Variants in FAM222B observed in about 807,000 individuals in gnomAD.
The protein encoded by FAM222B is family with sequence similarity 222 member B, also known as protein FAM222B.
FAM222B carries 12 observed loss-of-function variants against 38.0 expected under a neutral mutation model. The ratio of observed to expected loss-of-function variants is 0.32; its 90% CI spans 0.20 to 0.51. The LOEUF (loss-of-function observed/expected upper bound fraction) is 0.51, where lower values mean the gene tolerates loss of function less well. Among genes scored for constraint, FAM222B ranks in the 20% least tolerant of loss-of-function variants. The probability of loss-of-function intolerance (pLI) is 0.97; values close to 1 mark genes in which losing one functional copy is unlikely to be tolerated. For synonymous variants in FAM222B, 329 were observed against 317.2 expected (o/e 1.04, Z -0.40); for missense variants, 716 against 754.2 (o/e 0.95, Z 0.59).
intron 1 of FAM222B, among the ~76,000 whole-genome samples, chr17:28,786,273 T>G (rs1003390245): frequency 5.3e-5 from 8 of 152,188 alleles, no homozygotes; most frequent in Non-Finnish European, 7.3e-5. Context: ...AATCAATTCA[T>G]AGTGAAAATC....
intron 1 of FAM222B, chr17:28,849,326 C>T (rs1598070296): frequency 6.6e-6 from 1 of 152,032 alleles, no homozygotes; most frequent in Non-Finnish European, 1.5e-5. Flanking sequence ...CGATTTTCTA[C>T]TCTTCGGACC....
chr17:28,815,800 T>TA (rs937083605), intron 1 of FAM222B, among the ~76,000 whole-genome samples: 2 of 150,322 alleles, frequency 1.3e-5, no homozygotes, highest in African/African-American at 2.5e-5. Context: ...CTGTCTCTAC[T>TA]AAAAAAAAGT....
chr17:28,822,802 C>CAAAAAAAAAAAAAAAAA (rs71135859), intron 1 of FAM222B, among the ~76,000 whole-genome samples: 1 of 9,882 alleles, frequency 1.0e-4, no homozygotes, highest in Non-Finnish European at 1.8e-4. Flanking sequence ...GACTCCATCT[C>CAAAAAAAAAAAAAAAAA]AAAAAAAAAA....
intron 1 of FAM222B, among the ~76,000 whole-genome samples, chr17:28,811,090 T>C (rs2037739172): frequency 6.6e-6 from 1 of 152,208 alleles, no homozygotes; most frequent in Admixed American, 6.5e-5. Flanking sequence ...CTTTTGGTAC[T>C]GTAGCTCTTT....
At chr17:28,806,225 TTG>T (rs2037492054) in intron 1 of FAM222B, among the ~76,000 whole-genome samples, 1 of 152,212 alleles carries the variant, frequency 6.6e-6, no homozygotes, top group African/African-American at 2.4e-5. Flanking sequence ...GCTTGCCCTT[TTG>T]TGTGTATAAT....
intron 1 of FAM222B, among the ~76,000 whole-genome samples, chr17:28,772,622 C>G (rs917600106): frequency 6.6e-6 from 1 of 150,774 alleles, no homozygotes; most frequent in Non-Finnish European, 1.5e-5. Context: ...TAGGGCCACA[C>G]GCGGTGGCTC....
chr17:28,831,027 G>A (rs1021842918), intron 1 of FAM222B, among the ~76,000 whole-genome samples: 5 of 134,000 alleles, frequency 3.7e-5, no homozygotes, highest in South Asian at 2.2e-4. Flanking sequence ...ACGGAGTCTC[G>A]CTCTGTCACC....
intron 1 of FAM222B, among the ~76,000 whole-genome samples, chr17:28,790,884 C>CTTTTTTTTTTTTTTTTTTT (rs60664262): frequency 4.6e-5 from 4 of 86,078 alleles, no homozygotes; most frequent in Non-Finnish European, 8.6e-5. Flanking sequence ...AATTGTTTCA[C>CTTTTTTTTTTTTTTTTTTT]TTTTTTTTTT....
chr17:28,818,354 C>T (rs1028879647), intron 1 of FAM222B, among the ~76,000 whole-genome samples: 2 of 151,934 alleles, frequency 1.3e-5, no homozygotes, highest in Non-Finnish European at 2.9e-5. Flanking sequence ...CGGTGAAACC[C>T]TGTCTCTGCT....
upstream of FAM222B, among the ~76,000 whole-genome samples, chr17:28,843,153 T>TC (rs1206907638): frequency 2.7e-4 from 41 of 151,484 alleles, no homozygotes; most frequent in African/African-American, 8.7e-4. Flanking sequence ...TTTTTTTTTT[T>TC]CTGAGTCGAA....
chr17:28,837,510 T>A (rs757644872), intron 1 of FAM222B, among the ~76,000 whole-genome samples: 6 of 151,950 alleles, frequency 3.9e-5, no homozygotes, highest in Non-Finnish European at 7.4e-5. Context: ...ATTAAATGCA[T>A]CTGTAATAAA....
chr17:28,759,325 G>C lies in FAM222B; in HGVS notation c.634C>G (p.Gln212Glu). The C allele has an allele frequency of 6.2e-7, 1 of 1,611,192 alleles. No homozygotes were observed. Among genetic ancestry groups the C allele is most frequent in the Non-Finnish European group, 8.5e-7 (1 of 1,178,908 alleles). The change falls in exon 3 of 3, where the codon CAG becomes GAG. Residue 212 changes from glutamine (Q) to glutamate (E), a missense_variant. Physicochemically the swap from Gln to Glu is conservative, Grantham distance 29 (BLOSUM62 2). Coordinates refer to ENST00000581407, the MANE Select transcript of FAM222B (RefSeq NM_001077498.3). This position sits in a 1 kb window ranked among gnomAD's most constrained non-coding sequence, Gnocchi z 4.8. The stretch of plus-strand genomic sequence containing the variant: ...TGGAGACCCTGGTGAGCCAGGGCCT[G>C]AGGGTGGACCAAGCCCTGGGTTTGG... ...MAQTQGLVHP[Q>E]ALAHQGLQHP...
upstream of FAM222B, chr17:28,842,849 C>G (rs1187695231): frequency 1.3e-5 from 2 of 152,436 alleles, no homozygotes; most frequent in Non-Finnish European, 2.9e-5. Context: ...TCGGGCCGCA[C>G]GCGCCTGCGC....
chr17:28,803,767 CAGG>C (rs1268233657), intron 1 of FAM222B, among the ~76,000 whole-genome samples: 2 of 151,968 alleles, frequency 1.3e-5, no homozygotes, highest in African/African-American at 4.8e-5. Context: ...ATCAAGAGGT[CAGG>C]AGTTCAAGAC....
chr17:28,815,021 CCCT>C (rs1391022836), intron 1 of FAM222B, among the ~76,000 whole-genome samples: 1 of 151,744 alleles, frequency 6.6e-6, no homozygotes, highest in Admixed American at 6.6e-5. Context: ...TGATCCACCC[CCCT>C]CGCCTCCCAA....
chr17:28,812,217 C>G (rs1043656909), intron 1 of FAM222B: 1 of 152,284 alleles, frequency 6.6e-6, no homozygotes, highest in African/African-American at 2.4e-5. Flanking sequence ...ACCTTGCGCC[C>G]TGGAAAGGTG....
At chr17:28,809,960 G>A (rs1055483802) in intron 1 of FAM222B, among the ~76,000 whole-genome samples, 2 of 152,082 alleles carry the variant, frequency 1.3e-5, no homozygotes, top group Admixed American at 6.6e-5. Context: ...ACAGAAGCAA[G>A]TTGAAATTGT....
intron 1 of FAM222B, among the ~76,000 whole-genome samples, chr17:28,769,711 G>C (rs80117046): frequency 6.6e-6 from 1 of 152,128 alleles, no homozygotes; most frequent in African/African-American, 2.4e-5. Context: ...TATTACTACT[G>C]GTTCTCTGAC....
At position 28,756,594 on chromosome 17, in the gene FAM222B, T is replaced by C. The variant is rs978050527; in HGVS notation, c.*1676A>G. On this transcript the variant is annotated 3_prime_UTR_variant, in exon 3 of 3. Coordinates refer to ENST00000581407, the MANE Select transcript of FAM222B (RefSeq NM_001077498.3). ...GCGGCCAACACCTTCGGAGAAGGCATTGAGTCAGAAGCTACAGGTGCTCCT... is the reference window on the plus strand; with the variant it reads ...GCGGCCAACACCTTCGGAGAAGGCACTGAGTCAGAAGCTACAGGTGCTCCT... The C allele has an allele frequency of 6.6e-6, 1 of 152,484 alleles. No homozygotes were observed. The highest frequency in any genetic ancestry group is 2.4e-5 in the African/African-American group (1 of 41,402). 9.4% of individuals were successfully genotyped at this position (152,484 alleles called of 1,614,324 possible). A position where few individuals can be genotyped will look rare whatever the true frequency, so the allele number is the denominator to read the frequency against.
Sources: gnomAD v4.1 joint callset for allele counts (sites outside exome capture counted in the v4.1 genomes callset) on GRCh38, gnomAD v4.1.1 for gene constraint, Gnocchi (gnomAD v3.1) non-coding constraint, MANE v1.5 for transcripts, NCBI Gene and HGNC (gene_info 2026-07-23, HGNC 2026-07-21) for gene names.